Variants in COL6A6 observed in about 807,000 individuals in gnomAD.
COL6A6 encodes collagen type VI alpha 6 chain.
In COL6A6, 183 loss-of-function variants were observed where a neutral mutation model predicts 208.6. The ratio of observed to expected loss-of-function variants is 0.88; its 90% CI spans 0.78 to 0.99. COL6A6 has a LOEUF of 0.99. COL6A6 is among the 50% of genes least tolerant of loss of function. COL6A6 has a pLI of 0.00. For synonymous variants in COL6A6, 973 were observed against 1,011.8 expected (o/e 0.96, Z 0.73); for missense variants, 2,816 against 2,815.2 (o/e 1.00, Z -0.01).
intron 36 of COL6A6, among the ~76,000 whole-genome samples, chr3:130,673,987 A>G (rs961535339): frequency 4.6e-5 from 7 of 152,016 alleles, no homozygotes; most frequent in Non-Finnish European, 1.0e-4. Context: ...AGTCTAGGGG[A>G]CTTCAGTTGT....
intron 11 of COL6A6, among the ~76,000 whole-genome samples, chr3:130,588,369 G>T (rs1390203972): frequency 6.6e-6 from 1 of 152,198 alleles, no homozygotes; most frequent in African/African-American, 2.4e-5. Flanking sequence ...TAAATCTGGT[G>T]AGTTAATTGT....
chr3:130,584,502 T>C (rs2063491931), intron 10 of COL6A6, among the ~76,000 whole-genome samples: 1 of 152,190 alleles, frequency 6.6e-6, no homozygotes, highest in African/African-American at 2.4e-5. Context: ...GGGAACAAGA[T>C]GGGAACTTTC....
intron 3 of COL6A6, among the ~76,000 whole-genome samples, chr3:130,564,461 A>G (rs543044742): frequency 6.6e-6 from 1 of 152,250 alleles, no homozygotes; most frequent in African/African-American, 2.4e-5. Context: ...TCCCTGATTA[A>G]ATCAGTTTGA....
At chr3:130,528,626 C>G (rs1219362116) in intron 1 of COL6A6, among the ~76,000 whole-genome samples, 1 of 152,156 alleles carries the variant, frequency 6.6e-6, no homozygotes, top group African/African-American at 2.4e-5. Context: ...CATTTTGGCT[C>G]ACACACCATA....
At chr3:130,614,777 A>G (rs913882121) in intron 23 of COL6A6, among the ~76,000 whole-genome samples, 2 of 152,002 alleles carry the variant, frequency 1.3e-5, no homozygotes, top group African/African-American at 4.8e-5. Context: ...TTACTTCTGG[A>G]TCTTCTAGTT....
At chr3:130,662,518 T>TA (rs1297171144) in intron 35 of COL6A6, among the ~76,000 whole-genome samples, 1 of 152,138 alleles carries the variant, frequency 6.6e-6, no homozygotes, top group Non-Finnish European at 1.5e-5. Flanking sequence ...ATTTTTTTTT[T>TA]ATGCCTCTGG....
intron 24 of COL6A6, 135 bp from the exon 25 acceptor site, chr3:130,626,350 C>T: frequency 1.5e-6 from 1 of 677,830 alleles, no homozygotes; most frequent in Non-Finnish European, 2.7e-6. Flanking sequence ...CCAACAACAG[C>T]AGTTCCTCTT....
rs932130469 is a variant in COL6A6, at chr3:130,640,999, G to A, written c.5092-653G>A. On this transcript the variant is annotated intron_variant, in intron 28 of 36. Coordinates refer to ENST00000358511, the MANE Select transcript of COL6A6 (RefSeq NM_001102608.3). ...ATGCATATAACTTTATAATAGCATT[G>A]CCTTATAATAGCATCACCTAATAGT... Among the ~76,000 whole-genome samples the A allele has an allele frequency of 3.3e-5, 5 of 152,224 alleles. No individual in the cohort carries two copies. In the East Asian group the frequency reaches 7.7e-4, roughly 23 times the overall value.
intron 4 of COL6A6, among the ~76,000 whole-genome samples, chr3:130,566,008 A>C (rs1321974400): frequency 6.6e-6 from 1 of 152,088 alleles, no homozygotes; most frequent in Non-Finnish European, 1.5e-5. Context: ...CTCATTTCCA[A>C]ATTCCAATTT....
chr3:130,551,026 T>C (rs1413736428), intron 1 of COL6A6, among the ~76,000 whole-genome samples: 1 of 152,202 alleles, frequency 6.6e-6, no homozygotes, highest in Non-Finnish European at 1.5e-5. Context: ...ATCATCATGG[T>C]GGATTAGCTT....
chr3:130,655,318 AT>A lies in COL6A6; in HGVS notation c.5734-3357del, dbSNP rs1263397630. Among the ~76,000 whole-genome samples, 6 of 152,234 alleles carry A rather than the reference AT, an allele frequency of 3.9e-5. No homozygotes were observed. In the East Asian group the frequency reaches 9.7e-4, roughly 25 times the overall value. On this transcript the variant is annotated intron_variant, in intron 33 of 36. Coordinates refer to ENST00000358511, the MANE Select transcript of COL6A6 (RefSeq NM_001102608.3). The stretch of plus-strand genomic sequence containing the variant: ...GGTTCCAAGATAGAAGACTTGTTGA[AT>A]CCAGATGAACCCACTCTTCTCTGTC...
chr3:130,517,219 C>G lies in COL6A6; in HGVS notation c.-210C>G, dbSNP rs1217542067. Among the ~76,000 whole-genome samples the G allele has an allele frequency of 1.3e-5, 2 of 152,234 alleles. No homozygotes were observed. Among genetic ancestry groups the G allele is most frequent in the Non-Finnish European group, 2.9e-5 (2 of 68,048 alleles). ...GGGACACCGGAGTCAAGAGGCTGCC[C>G]ACGCCGCTGCCTGTCCGTTCCACGG... is the stretch of plus-strand genomic sequence containing the variant. On this transcript the variant is annotated 5_prime_UTR_variant, in exon 1 of 37. Transcript: ENST00000358511.
At chr3:130,589,237 A>G (rs1203688188) in intron 12 of COL6A6, 55 bp downstream of exon 12, 2 of 1,299,244 alleles carry the variant, frequency 1.5e-6, no homozygotes, top group Admixed American at 1.7e-5. Context: ...TCCTTCAGAC[A>G]TGGGTTTAAG....
chr3:130,536,419 G>T (rs2062226283), intron 1 of COL6A6, among the ~76,000 whole-genome samples: 1 of 152,136 alleles, frequency 6.6e-6, no homozygotes, highest in Non-Finnish European at 1.5e-5. Flanking sequence ...TGCCCTTGTG[G>T]TACTCACATT....
chr3:130,598,624 TTCC>T (rs1483102328), intron 19 of COL6A6, among the ~76,000 whole-genome samples, 194 bp downstream of exon 19: 1 of 152,198 alleles, frequency 6.6e-6, no homozygotes, highest in African/African-American at 2.4e-5. Context: ...CATTCTTGCC[TTCC>T]TCCTCTAAAT....
chr3:130,671,375 C>T (rs937337908), intron 36 of COL6A6, among the ~76,000 whole-genome samples: 12 of 152,310 alleles, frequency 7.9e-5, no homozygotes, highest in African/African-American at 2.9e-4. Context: ...AAGTTTCTTC[C>T]TCTTTCGTCA....
chr3:130,606,281 A>T (rs1451006674), intron 20 of COL6A6, among the ~76,000 whole-genome samples: 1 of 152,126 alleles, frequency 6.6e-6, no homozygotes, highest in Admixed American at 6.5e-5. Context: ...ATATATCTAG[A>T]CCCTACACTT....
chr3:130,573,369 G>T (rs1468900599), intron 7 of COL6A6, among the ~76,000 whole-genome samples: 2 of 152,056 alleles, frequency 1.3e-5, no homozygotes, highest in African/African-American at 4.8e-5. Context: ...CAGTTCTCTG[G>T]CATCTCAGAA....
chr3:130,668,878 T>G (rs895445563), intron 36 of COL6A6, among the ~76,000 whole-genome samples: 53 of 152,252 alleles, frequency 3.5e-4, no homozygotes, highest in African/African-American at 1.1e-3. Context: ...GATGTAAACA[T>G]AAGTAACAAA....
Sources: allele counts gnomAD v4.1 joint callset (sites outside exome capture counted in the v4.1 genomes callset), GRCh38; gene constraint gnomAD v4.1.1; transcripts MANE v1.5; gene names NCBI Gene and HGNC (gene_info 2026-07-23, HGNC 2026-07-21).